NBEAL1: variants seen among roughly 807,000 people sequenced by gnomAD.
NBEAL1 encodes the protein neurobeachin like 1.
Under a neutral mutation model 351.3 loss-of-function variants are expected in NBEAL1, and 273 were observed. That is an observed-to-expected ratio of 0.78 (90% CI 0.70 to 0.86). The LOEUF (loss-of-function observed/expected upper bound fraction) is 0.86, where lower values mean the gene tolerates loss of function less well. Ranked by LOEUF, NBEAL1 falls within the 40% of genes least tolerant of loss-of-function variation. The probability of loss-of-function intolerance (pLI) is 0.00; values close to 1 mark genes in which losing one functional copy is unlikely to be tolerated. For synonymous variants in NBEAL1, 1,050 were observed against 1,086.4 expected, an observed-to-expected ratio of 0.97 and a Z score of 0.66; for missense variants, 2,961 against 3,201.3, an observed-to-expected ratio of 0.92 and a Z score of 1.81.
intron 44 of NBEAL1, among the ~76,000 whole-genome samples, chr2:203,187,976 CAGG>C (rs1320720774): frequency 1.3e-5 from 2 of 152,126 alleles, no homozygotes; most frequent in African/African-American, 4.8e-5. Flanking sequence ...TAGTAATTTA[CAGG>C]AGGTCTCTAC....
chr2:203,202,666 A>G, intron 50 of NBEAL1, 21 bp from the exon 51 acceptor site: 1 of 1,395,782 alleles, frequency 7.2e-7, no homozygotes, highest in Non-Finnish European at 1.0e-6. Flanking sequence ...ATCTCATTTT[A>G]TTTAATTCCT....
intron 38 of NBEAL1, among the ~76,000 whole-genome samples, chr2:203,168,893 CAAAAAAAAAA>C (rs35683401): frequency 1.0e-5 from 1 of 97,286 alleles, no homozygotes; most frequent in South Asian, 3.8e-4. Flanking sequence ...GACTCCATCT[CAAAAAAAAAA>C]AAAAAAAAAA....
intron 26 of NBEAL1, among the ~76,000 whole-genome samples, chr2:203,132,386 G>A (rs1559389832): frequency 6.6e-6 from 1 of 152,212 alleles, no homozygotes; most frequent in South Asian, 2.1e-4. Flanking sequence ...GGACACTACA[G>A]AAAATATGTG....
intron 48 of NBEAL1, among the ~76,000 whole-genome samples, chr2:203,198,074 C>A (rs2065289811): frequency 7.2e-6 from 1 of 139,640 alleles, no homozygotes; most frequent in Non-Finnish European, 1.5e-5. Context: ...GGCTGGAGAG[C>A]CAATCACAGC....
intron 43 of NBEAL1, chr2:203,182,865 A>G (rs10165638): frequency 0.89 from 135,504 of 153,020 alleles, 61,087 homozygotes; most frequent in Non-Finnish European, 0.96. Context: ...TGTAAATATT[A>G]TTCTTCCATC....
At chr2:203,208,218 C>G (rs544177402) in intron 51 of NBEAL1, among the ~76,000 whole-genome samples, 2 of 151,868 alleles carry the variant, frequency 1.3e-5, no homozygotes, top group East Asian at 3.9e-4. Flanking sequence ...TCCAGGAGGT[C>G]GAGGCTACAG....
chr2:203,130,410 T>C lies in NBEAL1; in HGVS notation c.3498T>C (p.Ala1166=). The change falls in exon 25 of 56, where the codon GCT becomes GCC. Residue 1166 remains alanine, a synonymous_variant. Transcript: ENST00000683969. ...LFLLLFEPGN[A]DILYALLLNQ... is the part of the protein sequence containing the mutation. ...TACTGCTTTTTGAACCAGGAAATGCTGACATACTGTACGCATTGCTCTTAA... is the reference window on the plus strand; with the variant it reads ...TACTGCTTTTTGAACCAGGAAATGCCGACATACTGTACGCATTGCTCTTAA... 1 of 1,533,570 alleles carries C rather than the reference T, an allele frequency of 6.5e-7. No homozygotes were observed. The highest frequency in any genetic ancestry group is 8.8e-7 in the Non-Finnish European group (1 of 1,140,378). 95.0% of individuals were successfully genotyped at this position (1,533,570 alleles called of 1,614,324 possible).
At chr2:203,165,001 A>T (rs2106390921) in intron 36 of NBEAL1, among the ~76,000 whole-genome samples, 1 of 151,878 alleles carries the variant, frequency 6.6e-6, no homozygotes, top group Non-Finnish European at 1.5e-5. Context: ...AGCTGGGATT[A>T]CAGGCATGCA....
At chr2:203,188,433 A>T (rs1559049349) in intron 44 of NBEAL1, 39 bp from the exon 45 acceptor site, 295 of 937,694 alleles carry the variant, frequency 3.1e-4, no homozygotes, top group Non-Finnish European at 4.2e-4. Flanking sequence ...TAGTTGGAAG[A>T]TATCTCTATA....
At chr2:203,146,532 C>T (rs1448645483) in intron 33 of NBEAL1, among the ~76,000 whole-genome samples, 1 of 152,122 alleles carries the variant, frequency 6.6e-6, no homozygotes, top group Non-Finnish European at 1.5e-5. Context: ...GAGGCTTATG[C>T]CTGTAATCCC....
At chr2:203,181,177 C>T (rs564590949) in intron 43 of NBEAL1, 21 of 151,902 alleles carry the variant, frequency 1.4e-4, no homozygotes, top group Non-Finnish European at 2.5e-4. Context: ...AGTGATCCTT[C>T]CACCTTGGCC....
At chr2:203,184,558 A>G (rs897842239) in intron 44 of NBEAL1, among the ~76,000 whole-genome samples, 1 of 152,166 alleles carries the variant, frequency 6.6e-6, no homozygotes, top group Non-Finnish European at 1.5e-5. Flanking sequence ...TGATGGCTCC[A>G]CTTTTCCCCA....
chr2:203,145,899 T>A (rs2063500800), intron 33 of NBEAL1, among the ~76,000 whole-genome samples: 1 of 136,828 alleles, frequency 7.3e-6, no homozygotes, highest in African/African-American at 2.8e-5. Flanking sequence ...CAGAAGTAAA[T>A]AAAATTGAAA....
Position 203,130,496 on chromosome 2 carries a change from A to T in NBEAL1, c.3564+20A>T. On this transcript the variant is annotated intron_variant, in intron 25 of 55. Transcript: ENST00000683969. ...TTTAAGGTACAAACATTTCTTAAAC[A>T]TCTTTGTATTTTGAGGCGTTTGTGG... 1 of 1,381,480 alleles carries T rather than the reference A, an allele frequency of 7.2e-7. No individual in the cohort carries two copies. Among genetic ancestry groups the T allele is most frequent in the Non-Finnish European group, 9.4e-7 (1 of 1,067,258 alleles). 85.6% of individuals were successfully genotyped at this position (1,381,480 alleles called of 1,614,324 possible). A position where few individuals can be genotyped will look rare whatever the true frequency, so the allele number is the denominator to read the frequency against.
chr2:203,068,751 C>T (rs978932584), intron 7 of NBEAL1, among the ~76,000 whole-genome samples: 17 of 151,958 alleles, frequency 1.1e-4, no homozygotes, highest in African/African-American at 3.9e-4. Context: ...TTTTTTGAGA[C>T]GAAGTCACAC....
At chr2:203,078,293 A>G (rs965439983) in intron 8 of NBEAL1, among the ~76,000 whole-genome samples, 3 of 152,128 alleles carry the variant, frequency 2.0e-5, no homozygotes, top group Non-Finnish European at 4.4e-5. Context: ...ACAAAAAAGA[A>G]TTTCTAGTAT....
At chr2:203,105,452 G>A (rs367693449) in intron 12 of NBEAL1, among the ~76,000 whole-genome samples, 1 of 151,478 alleles carries the variant, frequency 6.6e-6, no homozygotes, top group African/African-American at 2.4e-5. Flanking sequence ...GTGACAGAGC[G>A]AGACTCCATC....
chr2:203,075,385 A>C (rs945768375), intron 7 of NBEAL1, among the ~76,000 whole-genome samples: 1 of 152,150 alleles, frequency 6.6e-6, no homozygotes, highest in Non-Finnish European at 1.5e-5. Context: ...GAGAGTTTGC[A>C]TGGTATATGT....
At chr2:203,128,601 CTTTTTTTTT>C (rs35686158) in intron 24 of NBEAL1, among the ~76,000 whole-genome samples, 1 of 139,350 alleles carries the variant, frequency 7.2e-6, no homozygotes, top group African/African-American at 2.6e-5. Context: ...AGATTTCTTT[CTTTTTTTTT>C]TTTTTTGAGA....
Sources: allele counts gnomAD v4.1 joint callset (sites outside exome capture counted in the v4.1 genomes callset), GRCh38; gene constraint gnomAD v4.1.1; transcripts MANE v1.5; gene names NCBI Gene and HGNC (gene_info 2026-07-23, HGNC 2026-07-21).